The following UTS2R variants were observed in gnomAD, a reference collection of about 807,000 sequenced individuals.
UTS2R encodes the protein urotensin 2 receptor.
For missense variants in UTS2R, 653 were observed against 562.2 expected, an observed-to-expected ratio of 1.16 and a Z score of -1.63; for synonymous variants, 335 against 280.9, an observed-to-expected ratio of 1.19 and a Z score of -1.93.
rs990191247 is a variant in UTS2R, at chr17:82,375,971, C to T, written c.*477C>T. On this transcript the variant is annotated 3_prime_UTR_variant, in exon 3 of 3. Coordinates refer to ENST00000313135, the MANE Select transcript of UTS2R (RefSeq NM_018949.3). The stretch of plus-strand genomic sequence containing the variant: ...GGATCGGCCGGCAGGATCCCCAGGA[C>T]GACAACGGCAGCTCAAGGGGGAGCC... Among the ~76,000 whole-genome samples, 1 of 152,216 alleles carries T rather than the reference C, an allele frequency of 6.6e-6. No homozygotes were observed.
chr17:82,375,341 G>T lies in UTS2R; in HGVS notation c.1017G>T (p.Arg339=). The T allele has an allele frequency of 6.4e-7, 1 of 1,563,346 alleles. No homozygotes were observed. Among genetic ancestry groups the T allele is most frequent in the Non-Finnish European group, 8.6e-7 (1 of 1,157,666 alleles). ...RVRGPGSGGG[R]GPVPSLQPRA... Reference sequence around the variant, plus strand: ...GGGGCCCGGGCAGCGGGGGAGGCCGGGGGCCCGTTCCCTCCCTGCAGCCCC... The same window carrying T: ...GGGGCCCGGGCAGCGGGGGAGGCCGTGGGCCCGTTCCCTCCCTGCAGCCCC... The change falls in exon 3 of 3, where the codon CGG becomes CGT. Residue 339 remains arginine, a synonymous_variant. Coordinates refer to ENST00000313135, the MANE Select transcript of UTS2R (RefSeq NM_018949.3).
intron 2 of UTS2R, among the ~76,000 whole-genome samples, chr17:82,373,901 A>T (rs2052466665): frequency 6.6e-6 from 1 of 152,238 alleles, no homozygotes; most frequent in African/African-American, 2.4e-5. Flanking sequence ...GGGGGGGCGC[A>T]ATGGGCAGAG....
rs767518669 is a variant in UTS2R at position 82,374,500 on chromosome 17, C to T, written c.176C>T (p.Ser59Leu). The T allele has an allele frequency of 3.8e-6, 6 of 1,587,140 alleles. No individual in the cohort carries two copies. The highest frequency in any genetic ancestry group is 4.6e-5 in the East Asian group (2 of 43,704). Residue 59 changes from serine (S) to leucine (L), a missense_variant, in exon 3 of 3, where the codon TCG (serine) becomes TTG (leucine). Ser to Leu is a moderately radical substitution (Grantham distance 145, BLOSUM62 -2). Coordinates refer to ENST00000313135, the MANE Select transcript of UTS2R (RefSeq NM_018949.3). ...VATGTIGTLLSAMGVVGVVGN... is the reference protein window; with the variant it reads ...VATGTIGTLLLAMGVVGVVGN... The stretch of plus-strand genomic sequence containing the variant: ...ACGGGCACCATTGGGACTCTGCTGT[C>T]GGCCATGGGCGTGGTGGGCGTGGTG...
At position 82,372,731 on chromosome 17, in the gene UTS2R, G is replaced by A. The variant is rs1287079884; in HGVS notation, c.-135G>A. On this transcript the variant is annotated 5_prime_UTR_variant, in exon 2 of 3. It adds an upstream start codon to the 5' untranslated region. Transcript: ENST00000313135. ...CCAGCTTCTTAGGAGTCAAGCTGCC[G>A]TGAACTTTCGCACGCTTGTCATTTT... Among the ~76,000 whole-genome samples, 1 of 152,238 alleles carries A rather than the reference G, an allele frequency of 6.6e-6. No homozygotes were observed. Among genetic ancestry groups the A allele is most frequent in the Non-Finnish European group, 1.5e-5 (1 of 68,050 alleles).
At position 82,374,669 on chromosome 17, in the gene UTS2R, G is replaced by A. The variant is rs754622870; in HGVS notation, c.345G>A (p.Glu115=). The change falls in exon 3 of 3, where the codon GAG becomes GAA. Residue 115 remains glutamate, a synonymous_variant. Transcript: ENST00000313135. ...PFIVATYVTK[E]WHFGDVGCRV... ...TCGTGGCCACCTACGTCACCAAGGAGTGGCACTTCGGGGACGTGGGCTGCC... is the reference window on the plus strand; with the variant it reads ...TCGTGGCCACCTACGTCACCAAGGAATGGCACTTCGGGGACGTGGGCTGCC... 1 of 1,613,490 alleles carries A rather than the reference G, an allele frequency of 6.2e-7. No homozygotes were observed. The highest frequency in any genetic ancestry group is 1.1e-5 in the South Asian group (1 of 91,074).
Position 82,375,395 on chromosome 17 carries a change from CT to C in UTS2R, c.1072del (p.Ser358ProfsTer94). On this transcript the variant is annotated frameshift_variant, in exon 3 of 3. Coordinates refer to ENST00000313135, the MANE Select transcript of UTS2R (RefSeq NM_018949.3). LOFTEE classifies it low-confidence loss of function (END_TRUNC). ...CCCGCTTCCAGCGCTGTTCGGGCCG[CT>C]CCCTGTCTTCCTGCAGCCCACAGCC... ...RARFQRCSGR[S>X]LSSCSPQPTD... 2 of 1,578,882 alleles carry C rather than the reference CT, an allele frequency of 1.3e-6. No individual in the cohort carries two copies. Among genetic ancestry groups the C allele is most frequent in the Non-Finnish European group, 1.7e-6 (2 of 1,170,198 alleles).
intron 2 of UTS2R, among the ~76,000 whole-genome samples, chr17:82,373,969 G>A (rs1354594602): frequency 1.3e-5 from 2 of 150,626 alleles, no homozygotes; most frequent in South Asian, 2.1e-4. Context: ...GCCCTCCTGT[G>A]TTCCGGCTTT....
At position 82,375,223 on chromosome 17, in the gene UTS2R, C is replaced by T; in HGVS notation, c.899C>T (p.Thr300Ile). ...PRTARIVNYL[T>I]TCLTYGNSCA... Reference sequence around the variant, plus strand: ...ACGGCGCGCATCGTCAACTACCTGACCACCTGCCTCACCTACGGCAACAGC... The same window carrying T: ...ACGGCGCGCATCGTCAACTACCTGATCACCTGCCTCACCTACGGCAACAGC... Residue 300 changes from threonine to isoleucine, a missense_variant, in exon 3 of 3, where the codon ACC (threonine) becomes ATC (isoleucine). Transcript: ENST00000313135. 1.3e-6 allele frequency: 2 copies of T among 1,579,272 alleles called. No homozygotes were observed. The highest frequency in any genetic ancestry group is 2.3e-5 in the South Asian group (2 of 86,064).
chr17:82,375,603 C>T lies in UTS2R; in HGVS notation c.*109C>T. The stretch of plus-strand genomic sequence containing the variant: ...CACAGGCCCTGCCCCTCCTCCGTCC[C>T]CTTCTGGAAAGATCCTGCTCGCTTC... On this transcript the variant is annotated 3_prime_UTR_variant, in exon 3 of 3. Transcript: ENST00000313135. 1.9e-6 allele frequency: 1 copy of T among 520,262 alleles called. No homozygotes were observed. The highest frequency in any genetic ancestry group is 3.3e-6 in the Non-Finnish European group (1 of 302,714). 32.2% of individuals were successfully genotyped at this position (520,262 alleles called of 1,614,324 possible). A position where few individuals can be genotyped will look rare whatever the true frequency, so the allele number is the denominator to read the frequency against.
At chr17:82,374,133 C>T in intron 2 of UTS2R, 110 bp from the exon 3 acceptor site, 1 of 582,976 alleles carries the variant, frequency 1.7e-6, no homozygotes. Context: ...TCCAGAGAGT[C>T]CCGAGAGTTG....
chr17:82,376,410 C>T lies in UTS2R; in HGVS notation c.*916C>T, dbSNP rs1034673306. Among the ~76,000 whole-genome samples the T allele has an allele frequency of 6.6e-6, 1 of 151,396 alleles. No individual in the cohort carries two copies. Among genetic ancestry groups the T allele is most frequent in the Non-Finnish European group, 1.5e-5 (1 of 67,794 alleles). On this transcript the variant is annotated 3_prime_UTR_variant, in exon 3 of 3. Coordinates refer to ENST00000313135, the MANE Select transcript of UTS2R (RefSeq NM_018949.3). Reference sequence around the variant, plus strand: ...CCCGGCCCCGGACCCTGCATGGCCTCCCCCAGCCTGGCCTCCCCTCCCCAC... The same window carrying T: ...CCCGGCCCCGGACCCTGCATGGCCTTCCCCAGCCTGGCCTCCCCTCCCCAC...
At position 82,375,332 on chromosome 17, in the gene UTS2R, G is replaced by C; in HGVS notation, c.1008G>C (p.Gly336=). 1 of 1,553,020 alleles carries C rather than the reference G, an allele frequency of 6.4e-7. No individual in the cohort carries two copies. Among genetic ancestry groups the C allele is most frequent in the Non-Finnish European group, 8.7e-7 (1 of 1,151,614 alleles). ...LRGRVRGPGS[G]GGRGPVPSLQ... ...GCCGCGTGCGGGGCCCGGGCAGCGG[G>C]GGAGGCCGGGGGCCCGTTCCCTCCC... The change falls in exon 3 of 3, where the codon GGG becomes GGC. Residue 336 remains glycine (G), a synonymous_variant. Coordinates refer to ENST00000313135, the MANE Select transcript of UTS2R (RefSeq NM_018949.3).
chr17:82,374,319 T>C lies in UTS2R; in HGVS notation c.-6T>C. 6.4e-7 allele frequency: 1 copy of C among 1,551,604 alleles called. No individual in the cohort carries two copies. Among genetic ancestry groups the C allele is most frequent in the Non-Finnish European group, 8.6e-7 (1 of 1,156,482 alleles). ...CCAGCCCTGAGCCCGTCGTGAGGGG[T>C]CAGAGATGGCGCTGACCCCCGAGTC... On this transcript the variant is annotated 5_prime_UTR_variant, in exon 3 of 3. Transcript: ENST00000313135.
In UTS2R at chr17:82,376,762, A is replaced by G. The variant is rs909187878; in HGVS notation, c.*1268A>G. Among the ~76,000 whole-genome samples the G allele has an allele frequency of 2.0e-5, 3 of 152,232 alleles. No individual in the cohort carries two copies. Among genetic ancestry groups the G allele is most frequent in the Admixed American group, 1.3e-4 (2 of 15,294 alleles). On this transcript the variant is annotated 3_prime_UTR_variant, in exon 3 of 3. Coordinates refer to ENST00000313135, the MANE Select transcript of UTS2R (RefSeq NM_018949.3). Reference sequence around the variant, plus strand: ...CTGTCGTGTTTTACTTTAAAAACAAAAGGATCCCACTCCCCGACCTTGTCC... The same window carrying G: ...CTGTCGTGTTTTACTTTAAAAACAAGAGGATCCCACTCCCCGACCTTGTCC...
rs1048555070 is a variant in UTS2R at position 82,374,595 on chromosome 17, G to A, written c.271G>A (p.Val91Ile). 1 of 1,607,876 alleles carries A rather than the reference G, an allele frequency of 6.2e-7. No individual in the cohort carries two copies. Among genetic ancestry groups the A allele is most frequent in the Non-Finnish European group, 8.5e-7 (1 of 1,177,550 alleles). Reference protein sequence around the residue: ...RAVASMYVYVVNLALADLLYL... With the variant: ...RAVASMYVYVINLALADLLYL... Reference sequence around the variant, plus strand: ...GGTGGCCTCCATGTACGTCTACGTGGTCAACCTGGCGCTGGCCGACCTGCT... The same window carrying A: ...GGTGGCCTCCATGTACGTCTACGTGATCAACCTGGCGCTGGCCGACCTGCT... The change falls in exon 3 of 3, where the codon GTC (valine) becomes ATC (isoleucine). Residue 91 changes from valine to isoleucine, a missense_variant. Physicochemically the swap from Val to Ile is conservative, Grantham distance 29 (BLOSUM62 3). Coordinates refer to ENST00000313135, the MANE Select transcript of UTS2R (RefSeq NM_018949.3).
chr17:82,375,370 C>T lies in UTS2R; in HGVS notation c.1046C>T (p.Ala349Val). 1 of 1,578,744 alleles carries T rather than the reference C, an allele frequency of 6.3e-7. No homozygotes were observed. The highest frequency in any genetic ancestry group is 8.6e-7 in the Non-Finnish European group (1 of 1,167,990). Residue 349 changes from alanine to valine, a missense_variant, in exon 3 of 3, where the codon GCC becomes GTC. Physicochemically the swap from Ala to Val is moderately conservative, Grantham distance 64. Transcript: ENST00000313135. ...RGPVPSLQPR[A>V]RFQRCSGRSL... ...CCCGTTCCCTCCCTGCAGCCCCGCG[C>T]CCGCTTCCAGCGCTGTTCGGGCCGC...
Position 82,375,444 on chromosome 17 carries a change from C to G in UTS2R, c.1120C>G (p.Pro374Ala), listed in dbSNP as rs1420947356. The change falls in exon 3 of 3, where the codon CCA (proline) becomes GCA (alanine). Residue 374 changes from proline to alanine, a missense_variant. Coordinates refer to ENST00000313135, the MANE Select transcript of UTS2R (RefSeq NM_018949.3). ...PQPTDSLVLA[P>A]AAPARPAPEG... ...GCCCACTGACAGCCTCGTGCTGGCC[C>G]CAGCGGCCCCGGCCCGACCTGCGCC... The G allele has an allele frequency of 4.5e-6, 7 of 1,552,534 alleles. No individual in the cohort carries two copies. The highest frequency in any genetic ancestry group is 6.0e-6 in the Non-Finnish European group (7 of 1,158,000).
At position 82,375,530 on chromosome 17, in the gene UTS2R, G is replaced by A; in HGVS notation, c.*36G>A. The A allele has an allele frequency of 1.1e-6, 1 of 874,322 alleles. No individual in the cohort carries two copies. Among genetic ancestry groups the A allele is most frequent in the Non-Finnish European group, 1.6e-6 (1 of 612,416 alleles). 54.2% of individuals were successfully genotyped at this position (874,322 alleles called of 1,614,324 possible). ...GGGCGGCTGGAGTCCAGGCGGGGAC[G>A]CGCCCCAAAGCCCCAGCCACTCCCG... On this transcript the variant is annotated 3_prime_UTR_variant, in exon 3 of 3. Transcript: ENST00000313135.
chr17:82,372,251 G>GC (rs996754594), intron 1 of UTS2R, among the ~76,000 whole-genome samples: 5 of 152,148 alleles, frequency 3.3e-5, no homozygotes, highest in African/African-American at 1.2e-4. Flanking sequence ...AATCCTAGCG[G>GC]CCCGGCGGCC....
Sources: gnomAD v4.1 joint callset for allele counts (sites outside exome capture counted in the v4.1 genomes callset) on GRCh38, gnomAD v4.1.1 for gene constraint, MANE v1.5 for transcripts, NCBI Gene and HGNC (gene_info 2026-07-23, HGNC 2026-07-21) for gene names.